The following ADAMTS17 variants were observed in gnomAD, a reference collection of about 807,000 sequenced individuals.
The protein encoded by ADAMTS17 is A disintegrin and metalloproteinase with thrombospondin motifs 17.
In ADAMTS17, 113 loss-of-function variants were observed where a neutral mutation model predicts 141.5. The ratio of observed to expected loss-of-function variants is 0.80; its 90% CI spans 0.69 to 0.93. ADAMTS17 has a LOEUF of 0.93. Ranked by LOEUF, ADAMTS17 falls within the 40% of genes least tolerant of loss-of-function variation. ADAMTS17 has a pLI of 0.00. For synonymous variants in ADAMTS17, 768 were observed against 630.6 expected, an observed-to-expected ratio of 1.22 and a Z score of -3.27; for missense variants, 1,659 against 1,517.9, an observed-to-expected ratio of 1.09 and a Z score of -1.54.
intron 7 of ADAMTS17, among the ~76,000 whole-genome samples, chr15:100,204,606 A>G (rs868833787): frequency 1.3e-5 from 2 of 152,344 alleles, no homozygotes; most frequent in Middle Eastern, 3.4e-3. Context: ...TTGGACCCCT[A>G]CCTCACACCA....
At chr15:99,996,443 A>G (rs2060804055) in intron 19 of ADAMTS17, among the ~76,000 whole-genome samples, 2 of 152,244 alleles carry the variant, frequency 1.3e-5, no homozygotes, top group Non-Finnish European at 2.9e-5. Context: ...ACGTAAGCAT[A>G]GACAAAGACA....
intron 12 of ADAMTS17, among the ~76,000 whole-genome samples, chr15:100,123,832 C>A (rs1009269447): frequency 6.6e-6 from 1 of 151,778 alleles, no homozygotes; most frequent in Non-Finnish European, 1.5e-5. Context: ...GCCCCTGCCT[C>A]TGCCTCTGGG....
In ADAMTS17 at chr15:100,194,589, C is replaced by T. The variant is rs186010570; in HGVS notation, c.1181+4729G>A. On this transcript the variant is annotated intron_variant, in intron 8 of 21. Transcript: ENST00000268070. Reference sequence around the variant, plus strand: ...CAGTCAGCATAGAGCTGAGCTTCTACTCATCATCAGGGGTCAGTCCTTCCT... The same window carrying T: ...CAGTCAGCATAGAGCTGAGCTTCTATTCATCATCAGGGGTCAGTCCTTCCT... Among the ~76,000 whole-genome samples, 25 of 152,306 alleles carry T rather than the reference C, an allele frequency of 1.6e-4. No homozygotes were observed. In the East Asian group the frequency reaches 4.8e-3, roughly 29 times the overall value.
chr15:100,216,675 T>G (rs557651381), intron 7 of ADAMTS17, among the ~76,000 whole-genome samples: 6 of 152,316 alleles, frequency 3.9e-5, no homozygotes, highest in Admixed American at 2.6e-4. Context: ...TGACACAGTC[T>G]GCTGTCTACC....
chr15:100,037,852 T>TA (rs2030893550), intron 18 of ADAMTS17, among the ~76,000 whole-genome samples: 2 of 152,068 alleles, frequency 1.3e-5, no homozygotes, highest in Admixed American at 6.6e-5. Flanking sequence ...TCAATCTAGA[T>TA]TCACTGCAGC....
chr15:100,310,552 A>G (rs1300684100), intron 3 of ADAMTS17, among the ~76,000 whole-genome samples: 2 of 152,216 alleles, frequency 1.3e-5, no homozygotes, highest in African/African-American at 4.8e-5. Context: ...ATTCTGGAGC[A>G]CGCCTAAGCA....
chr15:100,092,258 A>G (rs2035516068), intron 15 of ADAMTS17, among the ~76,000 whole-genome samples: 1 of 152,250 alleles, frequency 6.6e-6, no homozygotes, highest in Admixed American at 6.5e-5. Context: ...GATGGTAATC[A>G]GTCTTCAACG....
At chr15:100,074,261 C>T (rs2034207022) in intron 15 of ADAMTS17, 1 of 152,148 alleles carries the variant, frequency 6.6e-6, no homozygotes, top group Non-Finnish European at 1.5e-5. Context: ...AGAATGTACA[C>T]CTTTGTTTTG....
At position 100,281,265 on chromosome 15, in the gene ADAMTS17, C is replaced by G; in HGVS notation, c.753G>C (p.Glu251Asp). 6.2e-7 allele frequency: 1 copy of G among 1,607,274 alleles called. No homozygotes were observed. The highest frequency in any genetic ancestry group is 8.5e-7 in the Non-Finnish European group (1 of 1,179,988). The change falls in exon 4 of 22, where the codon GAG becomes GAC. Residue 251 changes from glutamate (E) to aspartate (D), a missense_variant. Physicochemically the swap from Glu to Asp is conservative, Grantham distance 45. Coordinates refer to ENST00000268070, the MANE Select transcript of ADAMTS17 (RefSeq NM_139057.4). ...DADMVQYHGAEAAQRFILTVM... is the reference protein window; with the variant it reads ...DADMVQYHGADAAQRFILTVM... ...CGGTCAGGATGAACCTCTGGGCGGC[C>G]TCGGCCCCGTGGTACTGCACCATGT...
rs548472436 is a variant in ADAMTS17, at chr15:100,099,776, GA to G, written c.2017-3301del. On this transcript the variant is annotated intron_variant, in intron 14 of 21. Coordinates refer to ENST00000268070, the MANE Select transcript of ADAMTS17 (RefSeq NM_139057.4). ...GGTATGAGATGGGATGGAACGGGGGGAAAAGCACAAGTTCTTCATTGGTCAA... is the reference window on the plus strand; with the variant it reads ...GGTATGAGATGGGATGGAACGGGGGGAAAGCACAAGTTCTTCATTGGTCAA... Among the ~76,000 whole-genome samples, 217 of 145,932 alleles carry G rather than the reference GA, an allele frequency of 1.5e-3. 1 individual carries two copies. The highest frequency in any genetic ancestry group is 5.3e-3 in the African/African-American group (208 of 39,488).
chr15:100,122,631 T>G (rs1321402644), intron 12 of ADAMTS17, among the ~76,000 whole-genome samples: 2 of 152,260 alleles, frequency 1.3e-5, no homozygotes, highest in African/African-American at 2.4e-5. Flanking sequence ...ATGGAAGTCT[T>G]GCTGATCACA....
At chr15:100,011,296 G>T (rs1292738157) in intron 18 of ADAMTS17, among the ~76,000 whole-genome samples, 3 of 3,186 alleles carry the variant, frequency 9.4e-4, no homozygotes, top group Admixed American at 4.3e-3. Flanking sequence ...TAAAGGAGGA[G>T]GGAGGGGAGG....
At chr15:100,071,241 C>A (rs1167286667) in intron 15 of ADAMTS17, among the ~76,000 whole-genome samples, 1 of 150,060 alleles carries the variant, frequency 6.7e-6, no homozygotes, top group Non-Finnish European at 1.5e-5. Context: ...GAAATTGAGG[C>A]AATAATTAAT....
intron 14 of ADAMTS17, among the ~76,000 whole-genome samples, chr15:100,107,361 G>A (rs2036474699): frequency 6.6e-6 from 1 of 152,148 alleles, no homozygotes; most frequent in South Asian, 2.1e-4. Context: ...GCAACGCATG[G>A]TGATCCTGAC....
At chr15:100,289,669 G>C (rs1399075963) in intron 3 of ADAMTS17, among the ~76,000 whole-genome samples, 2 of 152,062 alleles carry the variant, frequency 1.3e-5, no homozygotes, top group Non-Finnish European at 2.9e-5. Context: ...AATTCACCAT[G>C]ATCAACCAGG....
intron 3 of ADAMTS17, among the ~76,000 whole-genome samples, chr15:100,320,301 G>C (rs1448802326): frequency 6.6e-6 from 1 of 152,178 alleles, no homozygotes; most frequent in Non-Finnish European, 1.5e-5. Flanking sequence ...CCACGAGAGG[G>C]AGGCTGGGAA....
intron 10 of ADAMTS17, among the ~76,000 whole-genome samples, chr15:100,150,682 C>T (rs943274818): frequency 1.3e-5 from 2 of 152,146 alleles, no homozygotes; most frequent in Admixed American, 1.3e-4. Context: ...GCCTCCACCA[C>T]ACTTAATCCT....
intron 8 of ADAMTS17, among the ~76,000 whole-genome samples, chr15:100,193,671 C>T (rs920837552): frequency 6.6e-6 from 1 of 151,412 alleles, no homozygotes; most frequent in East Asian, 1.9e-4. Flanking sequence ...TTCTAAACGC[C>T]CAGTGCTCCT....
At chr15:100,094,847 C>T (rs979184814) in intron 15 of ADAMTS17, among the ~76,000 whole-genome samples, 2 of 152,124 alleles carry the variant, frequency 1.3e-5, no homozygotes, top group Non-Finnish European at 2.9e-5. Flanking sequence ...AGCTGGGGTA[C>T]CAATAGAGAA....
Sources: gnomAD v4.1 joint callset for allele counts (sites outside exome capture counted in the v4.1 genomes callset) on GRCh38, gnomAD v4.1.1 for gene constraint, MANE v1.5 for transcripts, NCBI Gene and HGNC (gene_info 2026-07-23, HGNC 2026-07-21) for gene names.